DEPDC5: variants seen among roughly 807,000 people sequenced by gnomAD.
DEPDC5 encodes DEP domain containing 5, GATOR1 subcomplex subunit, also known as GATOR1 complex protein DEPDC5.
A neutral mutation model predicts 217.3 loss-of-function variants in DEPDC5; 73 were observed. The observed-to-expected ratio is 0.34, with a 90% CI of 0.28 to 0.41. The LOEUF is 0.41. Among genes scored for constraint, DEPDC5 ranks in the 10% least tolerant of loss-of-function variants. The pLI is 1.00. For missense variants in DEPDC5, 1,675 were observed against 2,070.1 expected, an observed-to-expected ratio of 0.81 and a Z score of 3.70; for synonymous variants, 733 against 756.7, an observed-to-expected ratio of 0.97 and a Z score of 0.51.
intron 18 of DEPDC5, among the ~76,000 whole-genome samples, chr22:31,808,955 A>T (rs942020530): frequency 1.3e-5 from 2 of 151,986 alleles, no homozygotes; most frequent in South Asian, 2.1e-4. Flanking sequence ...AAAAATAGAG[A>T]TGGGGTCTTA....
intron 38 of DEPDC5, 89 bp from the exon 39 acceptor site, chr22:31,893,493 A>G (rs1338123820): frequency 6.1e-6 from 8 of 1,316,106 alleles, no homozygotes; most frequent in Non-Finnish European, 8.0e-6. Flanking sequence ...ACTTGTATAT[A>G]GTTTCATATC....
intron 38 of DEPDC5, chr22:31,880,217 C>T (rs992517341): frequency 7.3e-5 from 13 of 177,312 alleles, no homozygotes; most frequent in Non-Finnish European, 9.9e-5. Context: ...CTCTTCCTTT[C>T]CTCCCCAAAT....
chr22:31,892,136 T>C (rs969247600), intron 38 of DEPDC5, among the ~76,000 whole-genome samples: 8 of 152,208 alleles, frequency 5.3e-5, no homozygotes, highest in African/African-American at 1.9e-4. Flanking sequence ...TGTTTGCCCA[T>C]TGTGTTTCTT....
At chr22:31,820,564 C>T (rs1214805043) in intron 22 of DEPDC5, among the ~76,000 whole-genome samples, 1 of 152,096 alleles carries the variant, frequency 6.6e-6, no homozygotes, top group East Asian at 1.9e-4. Context: ...TGCCTAAACC[C>T]CGTTCTGCCC....
At chr22:31,806,241 T>C in intron 18 of DEPDC5, 50 bp downstream of exon 18, 1 of 1,504,494 alleles carries the variant, frequency 6.6e-7, no homozygotes, top group South Asian at 1.1e-5. Flanking sequence ...GGTCCAGTCT[T>C]ATCTTGAGCT....
At chr22:31,803,875 A>G (rs553111416) in intron 15 of DEPDC5, among the ~76,000 whole-genome samples, 2 of 152,210 alleles carry the variant, frequency 1.3e-5, no homozygotes, top group African/African-American at 4.8e-5. Context: ...AAATTTAAAC[A>G]TGGAAGTTTG....
At chr22:31,813,403 A>G (rs1041171738) in intron 20 of DEPDC5, among the ~76,000 whole-genome samples, 9 of 152,208 alleles carry the variant, frequency 5.9e-5, no homozygotes, top group African/African-American at 1.9e-4. Flanking sequence ...ACCTTCACAC[A>G]TGGCTAAGCG....
intron 40 of DEPDC5, among the ~76,000 whole-genome samples, chr22:31,901,355 G>A (rs1373492772): frequency 6.6e-6 from 1 of 152,178 alleles, no homozygotes; most frequent in Non-Finnish European, 1.5e-5. Context: ...AGGCTTCAGT[G>A]AGCTATGACC....
At chr22:31,793,246 A>G (rs2085881759) in intron 12 of DEPDC5, among the ~76,000 whole-genome samples, 1 of 152,204 alleles carries the variant, frequency 6.6e-6, no homozygotes, top group Non-Finnish European at 1.5e-5. Context: ...TAACATTGGT[A>G]CATTACTATT....
At chr22:31,799,826 T>TG (rs2086676646) in intron 14 of DEPDC5, among the ~76,000 whole-genome samples, 1 of 140,816 alleles carries the variant, frequency 7.1e-6, no homozygotes, top group East Asian at 2.1e-4. Context: ...TTTTTTTTTT[T>TG]GAGACAGAGT....
intron 24 of DEPDC5, among the ~76,000 whole-genome samples, chr22:31,825,098 C>T (rs969850072): frequency 5.3e-5 from 8 of 151,874 alleles, no homozygotes; most frequent in Admixed American, 2.6e-4. Flanking sequence ...GGTAGAGTTG[C>T]GCCGAGGAGG....
Position 31,846,842 on chromosome 22 carries a change from C to T in DEPDC5, c.3030C>T (p.Thr1010=), listed in dbSNP as rs548885626. Residue 1010 remains threonine, a synonymous_variant, in exon 31 of 43, where the codon ACC becomes ACT. Coordinates refer to ENST00000651528, the MANE Select transcript of DEPDC5 (RefSeq NM_001242896.3). ...HRSDRMMRKG[T]AMKGLQMTGP... is the part of the protein sequence containing the mutation. ...CCTCTTCTCTGCTTTAGAAAGGGAC[C>T]GCCATGAAAGGCTTGCAGATGACTG... The T allele has an allele frequency of 8.7e-6, 14 of 1,614,174 alleles. No homozygotes were observed. Among genetic ancestry groups the T allele is most frequent in the African/African-American group, 5.3e-5 (4 of 75,024 alleles).
At chr22:31,775,903 T>C (rs2083790139) in intron 7 of DEPDC5, among the ~76,000 whole-genome samples, 1 of 151,648 alleles carries the variant, frequency 6.6e-6, no homozygotes, top group Admixed American at 6.6e-5. Flanking sequence ...TAGCTGGGCA[T>C]GGTGGCACGT....
In DEPDC5 at chr22:31,766,612, A is replaced by T. The variant is rs778746859; in HGVS notation, c.307A>T (p.Thr103Ser). 10 of 1,613,868 alleles carry T rather than the reference A, an allele frequency of 6.2e-6. No homozygotes were observed. The Admixed American group carries it at 1.7e-4, about 27-fold the overall frequency. ...KDVTLDLVELTFKDQYIGRGD... is the reference protein window; with the variant it reads ...KDVTLDLVELSFKDQYIGRGD... ...TGTGACCCTTGACCTAGTGGAATTA[A>T]CTTTTAAGGATCAGTATATTGGCCG... Residue 103 changes from threonine to serine, a missense_variant, in exon 6 of 43, where the codon ACT (threonine) becomes TCT (serine). Transcript: ENST00000651528.
At chr22:31,840,366 C>T (rs112420687) in intron 27 of DEPDC5, among the ~76,000 whole-genome samples, 4 of 152,194 alleles carry the variant, frequency 2.6e-5, no homozygotes, top group Non-Finnish European at 4.4e-5. Flanking sequence ...GAGATACTTT[C>T]TGGACACCAA....
rs1308109522 is a variant in DEPDC5 at position 31,822,724 on chromosome 22, A to G, written c.2038A>G (p.Met680Val). ...HSNSRQPGDGMSFLNFSGTEE... is the reference protein window; with the variant it reads ...HSNSRQPGDGVSFLNFSGTEE... ...CAATTCCCGCCAGCCTGGTGACGGC[A>G]TGTCCTTCTTGAACTTCAGTGGAAC... The change falls in exon 24 of 43, where the codon ATG (methionine) becomes GTG (valine). Residue 680 changes from methionine (M) to valine (V), a missense_variant. This residue lies in a region of DEPDC5 where 136 missense variants were observed against 132.2 expected (regional missense o/e 1.03). Transcript: ENST00000651528. The G allele has an allele frequency of 1.2e-6, 2 of 1,614,164 alleles. No individual in the cohort carries two copies. The highest frequency in any genetic ancestry group is 1.7e-5 in the Admixed American group (1 of 60,024).
intron 4 of DEPDC5, among the ~76,000 whole-genome samples, chr22:31,761,380 G>T (rs1276608063): frequency 6.6e-6 from 1 of 152,088 alleles, no homozygotes; most frequent in African/African-American, 2.4e-5. Context: ...AGAACATGCA[G>T]TATTTGGTTT....
chr22:31,886,988 CAGG>C (rs1393166755), intron 38 of DEPDC5, among the ~76,000 whole-genome samples: 4 of 150,466 alleles, frequency 2.7e-5, no homozygotes, highest in Non-Finnish European at 5.9e-5. Flanking sequence ...GAGGCTGAAG[CAGG>C]AGAATTGCTT....
chr22:31,783,651 A>G (rs1053012430), intron 8 of DEPDC5, among the ~76,000 whole-genome samples: 2 of 152,110 alleles, frequency 1.3e-5, no homozygotes, highest in African/African-American at 4.8e-5. Flanking sequence ...CTTGGGTGGC[A>G]AGAGTGAGAT....
Sources: allele counts gnomAD v4.1 joint callset (sites outside exome capture counted in the v4.1 genomes callset), GRCh38; gene constraint gnomAD v4.1.1; regional missense constraint gnomAD v4.1.1; transcripts MANE v1.5; gene names NCBI Gene and HGNC (gene_info 2026-07-23, HGNC 2026-07-21).